Variants in GRIK2 observed in about 807,000 individuals in gnomAD.
The protein encoded by GRIK2 is glutamate ionotropic receptor kainate type subunit 2, also known as glutamate receptor ionotropic, kainate 2.
In GRIK2, 32 loss-of-function variants were observed where a neutral mutation model predicts 100.3. The observed-to-expected ratio is 0.32, with a 90% confidence interval of 0.24 to 0.43. The LOEUF is 0.43. Ranked by LOEUF, GRIK2 falls within the 20% of genes least tolerant of loss-of-function variation. The pLI is 1.00. For synonymous variants in GRIK2, 417 were observed against 389.4 expected, an observed-to-expected ratio of 1.07 and a Z score of -0.83; for missense variants, 843 against 1,114.9, an observed-to-expected ratio of 0.76 and a Z score of 3.47.
intron 2 of GRIK2, among the ~76,000 whole-genome samples, chr6:101,533,066 A>G (rs565289331): frequency 1.4e-4 from 21 of 152,052 alleles, no homozygotes; most frequent in African/African-American, 4.8e-4. Context: ...CAACTTTTCC[A>G]TGACATTATC....
chr6:101,851,776 T>A (rs1784140799), intron 10 of GRIK2, among the ~76,000 whole-genome samples: 4 of 147,188 alleles, frequency 2.7e-5, no homozygotes, highest in Non-Finnish European at 3.0e-5. Context: ...CCCAGTTAAC[T>A]AAAAAAAAAA....
At chr6:102,026,685 A>G (rs1303240611) in intron 14 of GRIK2, among the ~76,000 whole-genome samples, 3 of 151,186 alleles carry the variant, frequency 2.0e-5, no homozygotes, top group Non-Finnish European at 4.4e-5. Flanking sequence ...AGTCACTCTG[A>G]TTTCTTTTAT....
intron 2 of GRIK2, among the ~76,000 whole-genome samples, chr6:101,476,633 C>T (rs923904506): frequency 1.3e-5 from 2 of 151,978 alleles, no homozygotes; most frequent in Non-Finnish European, 2.9e-5. Flanking sequence ...AGAAAGATTT[C>T]ACTGAATTTT....
chr6:102,041,546 C>A (rs1770575862), intron 15 of GRIK2, among the ~76,000 whole-genome samples: 1 of 151,468 alleles, frequency 6.6e-6, no homozygotes, highest in South Asian at 2.1e-4. Flanking sequence ...TAGCATGTTG[C>A]ATGGAGTCTT....
chr6:101,982,347 A>G (rs1458932471), intron 14 of GRIK2, among the ~76,000 whole-genome samples: 1 of 151,912 alleles, frequency 6.6e-6, no homozygotes, highest in African/African-American at 2.4e-5. Context: ...AAATAAAATT[A>G]TATGGAGTTA....
At chr6:101,597,056 G>A (rs1279291639) in intron 2 of GRIK2, among the ~76,000 whole-genome samples, 1 of 151,802 alleles carries the variant, frequency 6.6e-6, no homozygotes, top group East Asian at 1.9e-4. Context: ...ATACTATGCA[G>A]CCATAGAAAA....
chr6:101,711,069 T>G (rs958214478), intron 7 of GRIK2, among the ~76,000 whole-genome samples: 11 of 151,788 alleles, frequency 7.2e-5, no homozygotes, highest in African/African-American at 2.4e-5. Context: ...GCATTAAGAT[T>G]CCATGGAAGT....
chr6:101,981,413 T>C (rs1240669520), intron 14 of GRIK2, among the ~76,000 whole-genome samples: 1 of 151,872 alleles, frequency 6.6e-6, no homozygotes, highest in East Asian at 1.9e-4. Context: ...GGTAATACAG[T>C]GCATTGATTG....
chr6:102,065,462 G>A (rs1261783205), intron 16 of GRIK2, among the ~76,000 whole-genome samples: 2 of 151,170 alleles, frequency 1.3e-5, no homozygotes, highest in East Asian at 3.9e-4. Context: ...ATAATATTGA[G>A]TCATTTCATA....
At position 101,622,086 on chromosome 6, in the gene GRIK2, C is replaced by A. The variant is rs143873289; in HGVS notation, c.253C>A (p.Leu85Ile). 4 of 1,601,426 alleles carry A rather than the reference C, an allele frequency of 2.5e-6. No homozygotes were observed. Among genetic ancestry groups the A allele is most frequent in the South Asian group, 1.1e-5 (1 of 90,544 alleles). ...TACCTATGATACCCAGAAGATAAAC[C>A]TTTATGATAGTTTTGAAGCATCCAA... ...TLTYDTQKINLYDSFEASKKA... is the reference protein window; with the variant it reads ...TLTYDTQKINIYDSFEASKKA... Residue 85 changes from leucine (L) to isoleucine (I), a missense_variant, in exon 3 of 17, where the codon CTT becomes ATT. By Grantham distance (5) the Leu-to-Ile change is conservative. Transcript: ENST00000369134.
At chr6:101,900,193 T>C (rs12204051) in intron 12 of GRIK2, among the ~76,000 whole-genome samples, 14,513 of 152,164 alleles carry the variant, frequency 0.095, 851 homozygotes, top group Middle Eastern at 0.2. Flanking sequence ...AGCCAGGCGC[T>C]GTGGCTCACG....
At position 101,540,500 on chromosome 6, in the gene GRIK2, A is replaced by G. The variant is rs565829128; in HGVS notation, c.116-81449A>G. On this transcript the variant is annotated intron_variant, in intron 2 of 16. Transcript: ENST00000369134. ...TCACATGCCTGAATCAAAACATCTC[A>G]TGTACTGCATTTATACACCTACTGT... Among the ~76,000 whole-genome samples the G allele has an allele frequency of 7.4e-4, 113 of 152,072 alleles. 1 individual carries two copies. The South Asian group carries it at 0.01, about 14-fold the overall frequency.
intron 16 of GRIK2, 63 bp downstream of exon 16, chr6:102,055,643 C>A: frequency 2.4e-6 from 3 of 1,233,540 alleles, no homozygotes; most frequent in Non-Finnish European, 3.5e-6. Flanking sequence ...AAAACACAAA[C>A]CAAAAGAGTT....
intron 10 of GRIK2, among the ~76,000 whole-genome samples, chr6:101,840,191 C>A (rs1001622400): frequency 6.6e-6 from 1 of 152,128 alleles, no homozygotes; most frequent in African/African-American, 2.4e-5. Flanking sequence ...TAAAAAGCAT[C>A]TGGGATTAAA....
At position 102,038,416 on chromosome 6, in the gene GRIK2, G is replaced by GACTC. The variant is rs58710530; in HGVS notation, c.2311+2852_2311+2855dup. 3.0e-3 allele frequency among the ~76,000 whole-genome samples: 459 copies of GACTC among 151,450 alleles called. 2 individuals are homozygous for GACTC. The highest frequency in any genetic ancestry group is 0.011 in the African/African-American group (445 of 41,444). ...CTCCGGGTTTGCATCGTCTGGATGA[G>GACTC]ACTCATATATTGCTATCACTCTCTC... On this transcript the variant is annotated intron_variant, in intron 15 of 16. Transcript: ENST00000369134.
At chr6:101,531,443 CAT>C (rs1350568889) in intron 2 of GRIK2, among the ~76,000 whole-genome samples, 1 of 151,732 alleles carries the variant, frequency 6.6e-6, no homozygotes, top group Non-Finnish European at 1.5e-5. Context: ...TGACAAGTAA[CAT>C]ATATTTGAGA....
intron 11 of GRIK2, among the ~76,000 whole-genome samples, chr6:101,864,114 G>A (rs1041035053): frequency 2.0e-5 from 3 of 149,152 alleles, no homozygotes; most frequent in African/African-American, 5.0e-5. Flanking sequence ...TCCGCAGTCC[G>A]GCCTGGGCGA....
intron 11 of GRIK2, among the ~76,000 whole-genome samples, chr6:101,882,530 G>C (rs1543778): frequency 0.91 from 137,952 of 152,028 alleles, 62,664 homozygotes; most frequent in East Asian, 0.98. Flanking sequence ...TAGCAAGAAG[G>C]AGGTGCTGAA....
At chr6:101,999,753 A>G (rs10457943) in intron 14 of GRIK2, among the ~76,000 whole-genome samples, 11,195 of 152,106 alleles carry the variant, frequency 0.074, 573 homozygotes, top group Middle Eastern at 0.19. Flanking sequence ...CTTTTTTCCT[A>G]TCAAAGGGGA....
Sources: allele counts gnomAD v4.1 joint callset (sites outside exome capture counted in the v4.1 genomes callset), GRCh38; gene constraint gnomAD v4.1.1; transcripts MANE v1.5; gene names NCBI Gene and HGNC (gene_info 2026-07-23, HGNC 2026-07-21).